The following TGIF2 variants were observed in gnomAD, a reference collection of about 807,000 sequenced individuals.
The protein encoded by TGIF2 is homeobox protein TGIF2.
In TGIF2, 5 loss-of-function variants were observed where a neutral mutation model predicts 15.1. The ratio of observed to expected loss-of-function variants is 0.33; its 90% CI spans 0.17 to 0.70. The LOEUF is 0.70. Ranked by LOEUF, TGIF2 falls within the 30% of genes least tolerant of loss-of-function variation. TGIF2 has a pLI of 0.67. For synonymous variants in TGIF2, 131 were observed against 128.9 expected, an observed-to-expected ratio of 1.02 and a Z score of -0.11; for missense variants, 264 against 302.5, an observed-to-expected ratio of 0.87 and a Z score of 0.94.
At chr20:36,582,094 A>G (rs1428588389) in intron 2 of TGIF2, among the ~76,000 whole-genome samples, 1 of 151,964 alleles carries the variant, frequency 6.6e-6, no homozygotes, top group Non-Finnish European at 1.5e-5. Flanking sequence ...AGTTAGCCAG[A>G]CGTGGTGGCT....
intron 2 of TGIF2, 59 bp from the exon 3 acceptor site, chr20:36,590,851 G>A: frequency 6.7e-7 from 1 of 1,490,280 alleles, no homozygotes; most frequent in Non-Finnish European, 9.0e-7. Context: ...GAGCCACTGT[G>A]CCCAGCCCAT....
In TGIF2 at chr20:36,591,078, CCCA is replaced by C; in HGVS notation, c.365_367del (p.Thr122del). The stretch of plus-strand genomic sequence containing the variant: ...AGTGCTGGCTGTGTCTGTCCCAGCC[CCCA>C]CCAATGTGCTCTCCCTGTCTGTGTG... On this transcript the variant is annotated inframe_deletion, in exon 3 of 3. Coordinates refer to ENST00000373872, the MANE Select transcript of TGIF2 (RefSeq NM_021809.7). This position sits in a 1 kb window ranked among gnomAD's most constrained non-coding sequence, Gnocchi z 5.3. 6.3e-7 allele frequency: 1 copy of C among 1,596,970 alleles called. No homozygotes were observed.
Position 36,591,053 on chromosome 20 carries a change from A to G in TGIF2, c.336A>G (p.Ser112=), listed in dbSNP as rs1260778104. 4.4e-6 allele frequency: 7 copies of G among 1,601,382 alleles called. No individual in the cohort carries two copies. The highest frequency in any genetic ancestry group is 4.3e-6 in the Non-Finnish European group (5 of 1,170,698). ...CCCTCCCCCGTGGCAGCAGCCCCTC[A>G]GTGCTGGCTGTGTCTGTCCCAGCCC... is the stretch of plus-strand genomic sequence containing the variant. ...DVALPRGSSP[S]VLAVSVPAPT... Residue 112 remains serine (S), a synonymous_variant, in exon 3 of 3, where the codon TCA becomes TCG. Transcript: ENST00000373872. This position sits in a 1 kb window ranked among gnomAD's most constrained non-coding sequence, Gnocchi z 5.3.
chr20:36,586,728 G>C (rs6101358), intron 2 of TGIF2, among the ~76,000 whole-genome samples: 3,712 of 143,468 alleles, frequency 0.026, 165 homozygotes, highest in African/African-American at 0.091. Flanking sequence ...CCCCTAAGGT[G>C]ATTCTAATAC....
rs1259300238 is a variant in TGIF2, at chr20:36,592,483, G to C, written c.*1052G>C. The C allele has an allele frequency of 1.3e-5, 2 of 152,274 alleles. No individual in the cohort carries two copies. The highest frequency in any genetic ancestry group is 4.8e-5 in the African/African-American group (2 of 41,310). The allele number at this position is 152,274 out of a possible 1,614,324, so 9.4% of individuals were successfully genotyped here. ...TGAATTCTTTTAGCAACTTGGATTAGAGGGGCCCATATGTCAGAAGCTCCC... is the reference window on the plus strand; with the variant it reads ...TGAATTCTTTTAGCAACTTGGATTACAGGGGCCCATATGTCAGAAGCTCCC... On this transcript the variant is annotated 3_prime_UTR_variant, in exon 3 of 3. Transcript: ENST00000373872.
intron 2 of TGIF2, among the ~76,000 whole-genome samples, chr20:36,583,620 G>A (rs1426622217): frequency 5.3e-5 from 8 of 152,080 alleles, no homozygotes; most frequent in Admixed American, 5.2e-4. Flanking sequence ...AATTAGGCTG[G>A]GCGCAGTGGC....
intron 2 of TGIF2, 63 bp downstream of exon 2, chr20:36,579,029 G>A: frequency 6.4e-7 from 1 of 1,556,878 alleles, no homozygotes; most frequent in South Asian, 1.2e-5. Flanking sequence ...TATTCCAGCT[G>A]TGTCACTGAG....
chr20:36,591,529 A>G lies in TGIF2; in HGVS notation c.*98A>G. 1.5e-6 allele frequency: 2 copies of G among 1,329,566 alleles called. No homozygotes were observed. Among genetic ancestry groups the G allele is most frequent in the African/African-American group, 2.9e-5 (2 of 67,892 alleles). The allele number at this position is 1,329,566 out of a possible 1,614,324, so 82.4% of individuals were successfully genotyped here. ...GAGGGTTTTCTATGGATCACTGCCA[A>G]ACATTGGGATCATCTCCTCTGTCCA... On this transcript the variant is annotated 3_prime_UTR_variant, in exon 3 of 3. Transcript: ENST00000373872. This position sits in a 1 kb window ranked among gnomAD's most constrained non-coding sequence, Gnocchi z 5.3.
At chr20:36,574,335 G>T (rs2038366200) in intron 1 of TGIF2, among the ~76,000 whole-genome samples, 1 of 151,586 alleles carries the variant, frequency 6.6e-6, no homozygotes, top group South Asian at 2.1e-4. Context: ...AAGTTTGTTC[G>T]CGCCGGGACC....
chr20:36,579,901 T>C (rs1379471019), intron 2 of TGIF2, among the ~76,000 whole-genome samples: 1 of 152,226 alleles, frequency 6.6e-6, no homozygotes, highest in Non-Finnish European at 1.5e-5. Context: ...GAGTGCAAAG[T>C]ACTGTCCCCT....
intron 1 of TGIF2, among the ~76,000 whole-genome samples, chr20:36,578,535 C>T (rs766667997): frequency 3.8e-4 from 58 of 152,156 alleles, no homozygotes; most frequent in Admixed American, 1.4e-3. Flanking sequence ...AGCTGCCATT[C>T]GGTAGTCACC....
intron 2 of TGIF2, among the ~76,000 whole-genome samples, 186 bp from the exon 3 acceptor site, chr20:36,590,724 C>T (rs534504866): frequency 6.6e-6 from 1 of 152,128 alleles, no homozygotes; most frequent in South Asian, 2.1e-4. Flanking sequence ...ACCACTACAC[C>T]TGGCTAACTT....
At chr20:36,584,682 G>A (rs1489453429) in intron 2 of TGIF2, among the ~76,000 whole-genome samples, 3 of 151,880 alleles carry the variant, frequency 2.0e-5, no homozygotes, top group African/African-American at 7.3e-5. Context: ...GAGTAGCTGG[G>A]ATTACAGGCA....
intron 2 of TGIF2, among the ~76,000 whole-genome samples, chr20:36,589,575 T>G (rs1442818539): frequency 6.6e-6 from 1 of 152,154 alleles, no homozygotes; most frequent in Admixed American, 6.5e-5. Context: ...GTATTTTTAG[T>G]AGAGACGGGG....
At chr20:36,587,822 T>C (rs1246197805) in intron 2 of TGIF2, among the ~76,000 whole-genome samples, 1 of 152,116 alleles carries the variant, frequency 6.6e-6, no homozygotes, top group Non-Finnish European at 1.5e-5. Flanking sequence ...CCCAACACTT[T>C]GGGAGGCTGA....
intron 2 of TGIF2, among the ~76,000 whole-genome samples, chr20:36,588,466 A>C (rs1280850151): frequency 1.4e-5 from 2 of 145,960 alleles, no homozygotes; most frequent in Non-Finnish European, 3.0e-5. Flanking sequence ...TGTGGGTTCA[A>C]GCAGTTCTCT....
Position 36,578,928 on chromosome 20 carries a change from C to T in TGIF2, c.154C>T (p.Leu52=). ...YNAYPSEQEK[L]SLSGQTNLSV... is the part of the protein sequence containing the mutation. ...CGCCTACCCCTCAGAGCAGGAGAAG[C>T]TGAGCCTTTCTGGACAGACCAACCT... is the stretch of plus-strand genomic sequence containing the variant. The change falls in exon 2 of 3, where the codon CTG becomes TTG. Residue 52 remains leucine, a synonymous_variant. Coordinates refer to ENST00000373872, the MANE Select transcript of TGIF2 (RefSeq NM_021809.7). 1 of 1,614,178 alleles carries T rather than the reference C, an allele frequency of 6.2e-7. No homozygotes were observed. The highest frequency in any genetic ancestry group is 2.2e-5 in the East Asian group (1 of 44,880).
At chr20:36,590,239 G>A (rs921394001) in intron 2 of TGIF2, among the ~76,000 whole-genome samples, 8 of 152,184 alleles carry the variant, frequency 5.3e-5, no homozygotes, top group Non-Finnish European at 1.0e-4. Flanking sequence ...TTACAGGTGT[G>A]AGCCACCGTG....
intron 2 of TGIF2, among the ~76,000 whole-genome samples, chr20:36,582,835 C>G (rs1395485078): frequency 6.6e-6 from 1 of 152,230 alleles, no homozygotes; most frequent in African/African-American, 2.4e-5. Context: ...CTGGTAACTC[C>G]TCCCAGTTAG....
Sources: allele counts gnomAD v4.1 joint callset (sites outside exome capture counted in the v4.1 genomes callset), GRCh38; gene constraint gnomAD v4.1.1; non-coding constraint Gnocchi (gnomAD v3.1); transcripts MANE v1.5; gene names NCBI Gene and HGNC (gene_info 2026-07-23, HGNC 2026-07-21).